The following GNB4 variants were observed in gnomAD, a reference collection of about 807,000 sequenced individuals.
GNB4 encodes G protein subunit beta 4, also known as guanine nucleotide-binding protein subunit beta-4.
A neutral mutation model predicts 45.2 loss-of-function variants in GNB4; 28 were observed. That is an observed-to-expected ratio of 0.62 (90% CI 0.46 to 0.85). The LOEUF is 0.85. GNB4 is among the 40% of genes least tolerant of loss of function. GNB4 has a pLI of 0.00. For synonymous variants in GNB4, 132 were observed against 143.7 expected (o/e 0.92, Z 0.58); for missense variants, 321 against 425.4 (o/e 0.75, Z 2.16).
the GNB4 span, among the ~76,000 whole-genome samples, chr3:179,465,673 C>T: frequency 6.6e-6 from 1 of 151,996 alleles, no homozygotes; most frequent in Non-Finnish European, 1.5e-5. Flanking sequence ...ATATGAATTT[C>T]TGAAATTCTG....
At chr3:179,441,751 C>CAAAAAA (rs532127011) in intron 1 of GNB4, among the ~76,000 whole-genome samples, 1 of 124,102 alleles carries the variant, frequency 8.1e-6, no homozygotes. Flanking sequence ...GACTCCATCT[C>CAAAAAA]AAAAAAAAAA....
intron 2 of GNB4, among the ~76,000 whole-genome samples, chr3:179,424,905 G>C (rs902559478): frequency 2.0e-5 from 3 of 152,150 alleles, no homozygotes; most frequent in African/African-American, 7.2e-5. Context: ...ACTGCCCCCA[G>C]CCTACTCTTC....
At chr3:179,457,764 A>G in the GNB4 span, among the ~76,000 whole-genome samples, 1 of 152,206 alleles carries the variant, frequency 6.6e-6, no homozygotes, top group Non-Finnish European at 1.5e-5. Flanking sequence ...CAGGTGAGAT[A>G]GTCAACGTGG....
At chr3:179,444,900 A>G (rs1239919115) in intron 1 of GNB4, among the ~76,000 whole-genome samples, 2 of 152,182 alleles carry the variant, frequency 1.3e-5, no homozygotes, top group African/African-American at 4.8e-5. Flanking sequence ...TGGGTTTTTA[A>G]TTTCACTTAC....
upstream of GNB4, among the ~76,000 whole-genome samples, chr3:179,451,994 C>A (rs1271036610): frequency 1.3e-5 from 2 of 152,182 alleles, no homozygotes. Context: ...CCGTCTCGGG[C>A]CTAAGTTTCG....
intron 1 of GNB4, among the ~76,000 whole-genome samples, chr3:179,446,207 C>T (rs1003018612): frequency 2.6e-5 from 4 of 152,192 alleles, no homozygotes; most frequent in African/African-American, 9.7e-5. Context: ...ACGACCTTGG[C>T]ACAAAGGTGG....
intron 4 of GNB4, 25 bp from the exon 5 acceptor site, chr3:179,416,581 T>A: frequency 1.3e-6 from 2 of 1,491,076 alleles, no homozygotes; most frequent in Non-Finnish European, 1.8e-6. Flanking sequence ...ACAAAAATAA[T>A]TTGACACTTA....
chr3:179,462,523 C>A, the GNB4 span, among the ~76,000 whole-genome samples: 2 of 152,110 alleles, frequency 1.3e-5, no homozygotes, highest in African/African-American at 4.8e-5. Context: ...CTTTTCTGAA[C>A]TTCTTTTTTA....
chr3:179,464,007 C>A, the GNB4 span, among the ~76,000 whole-genome samples: 2 of 152,174 alleles, frequency 1.3e-5, no homozygotes, highest in African/African-American at 4.8e-5. Context: ...GGGTGGGTAG[C>A]TATGACAGAC....
At chr3:179,520,016 GTT>G in the GNB4 span, among the ~76,000 whole-genome samples, 10 of 152,238 alleles carry the variant, frequency 6.6e-5, no homozygotes, top group South Asian at 1.9e-3. Context: ...CAACCAAATT[GTT>G]TTTTGCCTAT....
intron 1 of GNB4, among the ~76,000 whole-genome samples, chr3:179,435,707 G>A (rs1036106826): frequency 1.3e-5 from 2 of 152,128 alleles, no homozygotes; most frequent in Non-Finnish European, 2.9e-5. Context: ...TGAATATTTG[G>A]TTCATTTAAC....
chr3:179,508,874 G>A, the GNB4 span, among the ~76,000 whole-genome samples: 495 of 142,066 alleles, frequency 3.5e-3, 5 homozygotes, highest in African/African-American at 0.013. Context: ...ATATGTTGCA[G>A]AAGAAAGCAA....
the GNB4 span, among the ~76,000 whole-genome samples, chr3:179,519,721 C>A: frequency 6.6e-6 from 1 of 152,118 alleles, no homozygotes; most frequent in African/African-American, 2.4e-5. Context: ...TCCTTCACAT[C>A]CTCCTGTTGT....
chr3:179,470,377 A>G, the GNB4 span, among the ~76,000 whole-genome samples: 1 of 151,946 alleles, frequency 6.6e-6, no homozygotes, highest in African/African-American at 2.4e-5. Context: ...TGGAGGAGGG[A>G]GACAGTGATA....
chr3:179,486,338 T>C, the GNB4 span, among the ~76,000 whole-genome samples: 1 of 152,194 alleles, frequency 6.6e-6, no homozygotes, highest in African/African-American at 2.4e-5. Flanking sequence ...CATGAGTTTA[T>C]TTGCTTAATA....
At position 179,408,168 on chromosome 3, in the gene GNB4, C is replaced by T. The variant is rs116992972; in HGVS notation, c.700-2762G>A. On this transcript the variant is annotated intron_variant, in intron 8 of 9. Coordinates refer to ENST00000232564, the MANE Select transcript of GNB4 (RefSeq NM_021629.4). ...ATCTAATAAAAATTCACCAGACATGCAAAAAAGCAAGAAAATATGACCTAT... is the reference window on the plus strand; with the variant it reads ...ATCTAATAAAAATTCACCAGACATGTAAAAAAGCAAGAAAATATGACCTAT... Among the ~76,000 whole-genome samples, 120 of 151,320 alleles carry T rather than the reference C, an allele frequency of 7.9e-4. 1 individual carries two copies. The East Asian group carries it at 0.021, about 26-fold the overall frequency.
chr3:179,477,693 G>A, the GNB4 span, among the ~76,000 whole-genome samples: 2 of 152,190 alleles, frequency 1.3e-5, no homozygotes, highest in East Asian at 1.9e-4. Flanking sequence ...TCAATAAAGC[G>A]AGACCCTATC....
intron 8 of GNB4, among the ~76,000 whole-genome samples, chr3:179,407,884 C>T (rs567546505): frequency 1.3e-5 from 2 of 152,150 alleles, no homozygotes; most frequent in Non-Finnish European, 2.9e-5. Flanking sequence ...TCATTATACA[C>T]CGGAAAAACC....
In GNB4 at chr3:179,413,541, A is replaced by G; in HGVS notation, c.570T>C (p.Leu190=). 6.2e-7 allele frequency: 1 copy of G among 1,614,116 alleles called. No individual in the cohort carries two copies. Among genetic ancestry groups the G allele is most frequent in the Non-Finnish European group, 8.5e-7 (1 of 1,179,990 alleles). Residue 190 remains leucine (L), a synonymous_variant, in exon 8 of 10, where the codon CTT becomes CTC. Coordinates refer to ENST00000232564, the MANE Select transcript of GNB4 (RefSeq NM_021629.4). ...FTGHSGDVMS[L]SLSPDMRTFV... The stretch of plus-strand genomic sequence containing the variant: ...AAGTCCTCATGTCAGGACTCAAAGA[A>G]AGACTCATCACATCTCCAGAATGCC...
Sources: gnomAD v4.1 joint callset for allele counts (sites outside exome capture counted in the v4.1 genomes callset) on GRCh38, gnomAD v4.1.1 for gene constraint, MANE v1.5 for transcripts, NCBI Gene and HGNC (gene_info 2026-07-23, HGNC 2026-07-21) for gene names.